Variants in EYS observed in about 807,000 individuals in gnomAD.
EYS encodes EGF-like photoreceptor maintenance factor.
A neutral mutation model predicts 282.1 loss-of-function variants in EYS; 250 were observed. The observed-to-expected ratio is 0.89, with a 90% CI of 0.80 to 0.98. EYS has a LOEUF of 0.98. EYS is among the 50% of genes least tolerant of loss of function. The pLI, the probability that EYS is intolerant of heterozygous loss-of-function variation, is 0.00. For synonymous variants in EYS, 1,355 were observed against 1,282.9 expected (o/e 1.06, Z -1.20); for missense variants, 4,016 against 3,709.0 (o/e 1.08, Z -2.15).
At chr6:64,852,683 T>C (rs1161285672) in intron 19 of EYS, among the ~76,000 whole-genome samples, 1 of 152,080 alleles carries the variant, frequency 6.6e-6, no homozygotes, top group Non-Finnish European at 1.5e-5. Flanking sequence ...CTTTATAAGA[T>C]TGGGTGAAGA....
chr6:64,407,162 G>T (rs181179128), intron 28 of EYS, among the ~76,000 whole-genome samples: 2 of 152,288 alleles, frequency 1.3e-5, no homozygotes, highest in East Asian at 1.9e-4. Context: ...CATGGATGGA[G>T]CAGGAAACCA....
At chr6:65,505,000 T>C (rs542146289) in intron 2 of EYS, among the ~76,000 whole-genome samples, 1 of 151,994 alleles carries the variant, frequency 6.6e-6, no homozygotes, top group East Asian at 1.9e-4. Context: ...ATTTCTTTCT[T>C]TCACATTTGA....
intron 2 of EYS, among the ~76,000 whole-genome samples, chr6:65,548,824 A>G (rs900745912): frequency 6.6e-6 from 1 of 152,180 alleles, no homozygotes; most frequent in Non-Finnish European, 1.5e-5. Context: ...AAACTTGCTC[A>G]AAGACTAACT....
intron 32 of EYS, among the ~76,000 whole-genome samples, chr6:64,069,432 G>A (rs1771491690): frequency 1.3e-5 from 2 of 151,500 alleles, no homozygotes; most frequent in African/African-American, 2.4e-5. Context: ...ATCAGTATAT[G>A]TATGTATATA....
At chr6:64,891,212 T>C (rs1441073897) in intron 18 of EYS, among the ~76,000 whole-genome samples, 1 of 151,518 alleles carries the variant, frequency 6.6e-6, no homozygotes, top group Non-Finnish European at 1.5e-5. Context: ...GGTGAAACAG[T>C]TTACAGAAAA....
At chr6:63,972,970 C>T (rs1424706018) in intron 35 of EYS, among the ~76,000 whole-genome samples, 1 of 152,058 alleles carries the variant, frequency 6.6e-6, no homozygotes, top group East Asian at 1.9e-4. Context: ...CAAGTCTTTC[C>T]TATTGTGAAT....
intron 33 of EYS, among the ~76,000 whole-genome samples, chr6:64,045,846 T>C (rs562644400): frequency 3.3e-5 from 5 of 149,894 alleles, no homozygotes; most frequent in Non-Finnish European, 5.9e-5. Flanking sequence ...TGCATAGATA[T>C]GTGTCATGTA....
chr6:65,161,209 T>C (rs1158284394), intron 12 of EYS, among the ~76,000 whole-genome samples: 1 of 151,132 alleles, frequency 6.6e-6, no homozygotes, highest in Non-Finnish European at 1.5e-5. Flanking sequence ...TGTCTAAAGA[T>C]ATTGTTTTAC....
intron 8 of EYS, among the ~76,000 whole-genome samples, chr6:65,354,497 T>C (rs1424581391): frequency 1.3e-5 from 2 of 151,636 alleles, no homozygotes; most frequent in African/African-American, 4.9e-5. Flanking sequence ...AACCTTAAAG[T>C]ATGAGTCAAC....
intron 35 of EYS, among the ~76,000 whole-genome samples, chr6:63,883,640 C>A (rs1773189814): frequency 6.6e-6 from 1 of 152,222 alleles, no homozygotes; most frequent in Non-Finnish European, 1.5e-5. Flanking sequence ...TCTTCCTGTC[C>A]CGAGTCTTTC....
At chr6:65,607,946 A>C (rs2149793413) in intron 2 of EYS, among the ~76,000 whole-genome samples, 1 of 152,178 alleles carries the variant, frequency 6.6e-6, no homozygotes, top group African/African-American at 2.4e-5. Flanking sequence ...CTCTAAAATT[A>C]TAATTTCATA....
rs143199251 is a variant in EYS at position 65,079,412 on chromosome 6, T to C, written c.2024-21685A>G. On this transcript the variant is annotated intron_variant, in intron 12 of 42. Coordinates refer to ENST00000503581, the MANE Select transcript of EYS (RefSeq NM_001142800.2). ...GTTGACAACTTGATACATATAAATA[T>C]CTATTTTCAACCTTCAGTTTCATGA... 3.2e-3 allele frequency among the ~76,000 whole-genome samples: 488 copies of C among 152,164 alleles called. 3 individuals carry two copies. The highest frequency in any genetic ancestry group is 0.011 in the African/African-American group (473 of 41,554).
chr6:65,157,214 G>A (rs1304380198), intron 12 of EYS, among the ~76,000 whole-genome samples: 2 of 148,646 alleles, frequency 1.3e-5, no homozygotes. Context: ...CAACTAATAG[G>A]CCTCTGTGAT....
intron 8 of EYS, among the ~76,000 whole-genome samples, chr6:65,375,365 C>G (rs926747994): frequency 1.3e-5 from 2 of 152,110 alleles, no homozygotes; most frequent in African/African-American, 4.8e-5. Flanking sequence ...TCCCCACACA[C>G]AGAAACCCCA....
At chr6:65,686,082 C>T (rs370007186) in intron 1 of EYS, among the ~76,000 whole-genome samples, 1 of 152,146 alleles carries the variant, frequency 6.6e-6, no homozygotes, top group Non-Finnish European at 1.5e-5. Flanking sequence ...AGATCATGTT[C>T]TTCCCAGTGT....
At chr6:65,018,794 C>G (rs1420668591) in intron 13 of EYS, among the ~76,000 whole-genome samples, 1 of 151,904 alleles carries the variant, frequency 6.6e-6, no homozygotes, top group East Asian at 1.9e-4. Context: ...TTTAGTGAAG[C>G]CTATATGCAT....
chr6:65,300,023 A>G (rs4710515), intron 11 of EYS, among the ~76,000 whole-genome samples: 142,569 of 152,262 alleles, frequency 0.94, 67,067 homozygotes, highest in East Asian at 1. Flanking sequence ...GAAAGAGGTC[A>G]TATGCATTTA....
At chr6:63,914,845 T>G (rs1224303109) in intron 35 of EYS, among the ~76,000 whole-genome samples, 1 of 152,196 alleles carries the variant, frequency 6.6e-6, no homozygotes, top group East Asian at 1.9e-4. Flanking sequence ...GCCTTAACTC[T>G]TTTTTGATTG....
At chr6:65,155,487 T>A (rs1433421560) in intron 12 of EYS, among the ~76,000 whole-genome samples, 1 of 151,502 alleles carries the variant, frequency 6.6e-6, no homozygotes, top group Non-Finnish European at 1.5e-5. Context: ...TCCTGAATTA[T>A]TTCTTTCCAA....
Sources: allele counts gnomAD v4.1 joint callset (sites outside exome capture counted in the v4.1 genomes callset), GRCh38; gene constraint gnomAD v4.1.1; transcripts MANE v1.5; gene names NCBI Gene and HGNC (gene_info 2026-07-23, HGNC 2026-07-21).